The following GMDS variants were observed in gnomAD, a reference collection of about 807,000 sequenced individuals.
GMDS encodes the protein GDP-mannose 4,6-dehydratase.
Under a neutral mutation model 49.9 loss-of-function variants are expected in GMDS, and 20 were observed. The ratio of observed to expected loss-of-function variants is 0.40; its 90% CI spans 0.28 to 0.58. The LOEUF (loss-of-function observed/expected upper bound fraction) is 0.58, where lower values mean the gene tolerates loss of function less well. Ranked by LOEUF, GMDS falls within the 20% of genes least tolerant of loss-of-function variation. GMDS has a pLI of 0.42. For synonymous variants in GMDS, 177 were observed against 178.6 expected, an observed-to-expected ratio of 0.99 and a Z score of 0.07; for missense variants, 362 against 481.4, an observed-to-expected ratio of 0.75 and a Z score of 2.32.
chr6:2,176,033 A>G (rs891621070), intron 1 of GMDS: 1 of 1,526,146 alleles, frequency 6.6e-7, no homozygotes, highest in South Asian at 1.2e-5. Context: ...CAGATGCTTT[A>G]CTGTCAAGAG....
chr6:1,818,374 G>A (rs371267571), intron 7 of GMDS, among the ~76,000 whole-genome samples: 7 of 152,224 alleles, frequency 4.6e-5, no homozygotes, highest in East Asian at 1.9e-4. Flanking sequence ...TTGGGAGGCC[G>A]AGGCGGGTGG....
At chr6:1,965,242 T>A (rs1324948413) in intron 4 of GMDS, among the ~76,000 whole-genome samples, 1 of 152,158 alleles carries the variant, frequency 6.6e-6, no homozygotes, top group Non-Finnish European at 1.5e-5. Context: ...CCCTGAGGAA[T>A]CGCCTAGAGC....
At chr6:2,241,435 G>A (rs528375901) in intron 1 of GMDS, among the ~76,000 whole-genome samples, 34 of 152,220 alleles carry the variant, frequency 2.2e-4, no homozygotes, top group African/African-American at 8.2e-4. Context: ...GATGAGATCT[G>A]GGGGGTCAGG....
chr6:2,109,648 G>A (rs1215058823), intron 4 of GMDS, among the ~76,000 whole-genome samples: 2 of 152,204 alleles, frequency 1.3e-5, no homozygotes, highest in East Asian at 1.9e-4. Flanking sequence ...CCCAGGAACC[G>A]TGATATGCAC....
At chr6:2,094,115 A>C (rs771493763) in intron 4 of GMDS, among the ~76,000 whole-genome samples, 4 of 152,234 alleles carry the variant, frequency 2.6e-5, no homozygotes, top group Non-Finnish European at 5.9e-5. Context: ...ACCAATGTCG[A>C]TAAGATTCTA....
chr6:2,174,209 T>C (rs1351260128), intron 1 of GMDS, among the ~76,000 whole-genome samples: 1 of 152,144 alleles, frequency 6.6e-6, no homozygotes, highest in Non-Finnish European at 1.5e-5. Context: ...AAAAATATAA[T>C]CAAATACACA....
intron 1 of GMDS, among the ~76,000 whole-genome samples, chr6:2,150,368 G>A (rs1048118962): frequency 1.3e-5 from 2 of 152,060 alleles, no homozygotes; most frequent in Non-Finnish European, 2.9e-5. Flanking sequence ...GCTACACAGT[G>A]AGACTCCTTT....
intron 1 of GMDS, among the ~76,000 whole-genome samples, chr6:2,194,165 G>A (rs756784904): frequency 2.0e-5 from 3 of 151,638 alleles, no homozygotes; most frequent in Non-Finnish European, 4.4e-5. Flanking sequence ...AGTTTGGACT[G>A]TGTGTGTGTG....
intron 7 of GMDS, among the ~76,000 whole-genome samples, chr6:1,876,775 A>G (rs530234662): frequency 2.6e-5 from 4 of 152,372 alleles, no homozygotes; most frequent in African/African-American, 9.6e-5. Context: ...GGAATATACC[A>G]TAAAATAAAA....
chr6:2,016,766 C>T (rs574374261), intron 4 of GMDS, among the ~76,000 whole-genome samples: 7 of 152,164 alleles, frequency 4.6e-5, no homozygotes, highest in East Asian at 1.9e-4. Context: ...TCAATAAAAA[C>T]GACTTCTAGA....
At chr6:1,799,378 G>A (rs956718113) in intron 7 of GMDS, among the ~76,000 whole-genome samples, 1 of 152,116 alleles carries the variant, frequency 6.6e-6, no homozygotes, top group African/African-American at 2.4e-5. Flanking sequence ...CTCAAGCCTT[G>A]GCAACACGGT....
intron 9 of GMDS, among the ~76,000 whole-genome samples, chr6:1,673,607 G>A (rs1561717408): frequency 6.6e-6 from 1 of 151,994 alleles, no homozygotes; most frequent in Non-Finnish European, 1.5e-5. Flanking sequence ...TGAGTCTACA[G>A]ATTTTGACAA....
intron 1 of GMDS, among the ~76,000 whole-genome samples, chr6:2,218,625 C>T (rs552498051): frequency 1.3e-5 from 2 of 152,118 alleles, no homozygotes; most frequent in East Asian, 3.8e-4. Context: ...GAGTACAGAA[C>T]ATTATCTTAA....
chr6:1,774,223 A>G (rs904294204), intron 7 of GMDS, among the ~76,000 whole-genome samples: 2 of 152,212 alleles, frequency 1.3e-5, no homozygotes, highest in South Asian at 2.1e-4. Context: ...AGAATAAAGG[A>G]CAGTATATTA....
rs535438503 is a variant in GMDS, at chr6:2,038,310, T to A, written c.346-77344A>T. On this transcript the variant is annotated intron_variant, in intron 4 of 10. Transcript: ENST00000380815. ...AGCTAAGTGAAGTGGTTAACCCACA[T>A]CCCTTCCCCACTGATAAAGTGCTTT... is the stretch of plus-strand genomic sequence containing the variant. 6.6e-5 allele frequency among the ~76,000 whole-genome samples: 10 copies of A among 152,274 alleles called. 1 individual carries two copies. In the East Asian group the frequency reaches 1.7e-3, roughly 26 times the overall value.
chr6:1,652,747 C>G (rs112293140), intron 9 of GMDS, among the ~76,000 whole-genome samples: 45 of 88,932 alleles, frequency 5.1e-4, no homozygotes, highest in African/African-American at 1.1e-3. Flanking sequence ...GAGAGACAGA[C>G]AGACAGACAG....
chr6:1,969,293 GAAAGAAAGAAAA>G (rs1764465623), intron 4 of GMDS, among the ~76,000 whole-genome samples: 1 of 115,296 alleles, frequency 8.7e-6, no homozygotes, highest in South Asian at 2.9e-4. Flanking sequence ...AAAAAAAAGA[GAAAGAAAGAAAA>G]AAAGAAATTA....
rs182350817 is a variant in GMDS, at chr6:2,003,438, C to A, written c.346-42472G>T. On this transcript the variant is annotated intron_variant, in intron 4 of 10. Coordinates refer to ENST00000380815, the MANE Select transcript of GMDS (RefSeq NM_001500.4). ...AAGCGAAATGACTAGTGTAAACAAT[C>A]TGCCCATTAAACCATAAATTTAGCA... Among the ~76,000 whole-genome samples the A allele has an allele frequency of 1.4e-4, 21 of 152,240 alleles. No homozygotes were observed. In the East Asian group the frequency reaches 3.7e-3, roughly 27 times the overall value.
At chr6:1,929,972 G>C (rs746306137) in intron 7 of GMDS, 131 bp downstream of exon 7, 1 of 770,066 alleles carries the variant, frequency 1.3e-6, no homozygotes, top group African/African-American at 1.7e-5. Context: ...AGCAGCATGA[G>C]TGTAAACATA....
Sources: gnomAD v4.1 joint callset for allele counts (sites outside exome capture counted in the v4.1 genomes callset) on GRCh38, gnomAD v4.1.1 for gene constraint, MANE v1.5 for transcripts, NCBI Gene and HGNC (gene_info 2026-07-23, HGNC 2026-07-21) for gene names.